LYRM4: variants seen among roughly 807,000 people sequenced by gnomAD.
LYRM4 encodes the protein LYR motif containing 4.
Under a neutral mutation model 11.7 loss-of-function variants are expected in LYRM4, and 9 were observed. The ratio of observed to expected loss-of-function variants is 0.77; its 90% CI spans 0.46 to 1.34. The LOEUF is 1.34. Ranked by LOEUF, LYRM4 falls within the 40% of genes most tolerant of loss-of-function variation. The pLI is 0.00. For missense variants in LYRM4, 133 were observed against 112.5 expected (o/e 1.18, Z -0.82); for synonymous variants, 42 against 40.4 (o/e 1.04, Z -0.15).
intron 2 of LYRM4, among the ~76,000 whole-genome samples, chr6:5,170,129 A>G (rs1437067355): frequency 6.6e-6 from 1 of 152,202 alleles, no homozygotes; most frequent in Non-Finnish European, 1.5e-5. Flanking sequence ...TGGGATTCCC[A>G]CCTGGCATCT....
intron 2 of LYRM4, among the ~76,000 whole-genome samples, chr6:5,127,760 G>A (rs1369157274): frequency 6.6e-6 from 1 of 152,088 alleles, no homozygotes; most frequent in East Asian, 1.9e-4. Flanking sequence ...TACACATATA[G>A]CTTGCATTTA....
the LYRM4 span, among the ~76,000 whole-genome samples, chr6:5,083,349 T>C: frequency 1.3e-5 from 2 of 152,220 alleles, no homozygotes; most frequent in Non-Finnish European, 2.9e-5. Flanking sequence ...AAATCAGAGT[T>C]GCTGCAGGAA....
intron 2 of LYRM4, among the ~76,000 whole-genome samples, chr6:5,146,664 T>C (rs1337017867): frequency 6.6e-6 from 1 of 152,212 alleles, no homozygotes; most frequent in Admixed American, 6.5e-5. Flanking sequence ...GGGGCCCAGC[T>C]ACCTGTCCAG....
chr6:5,098,920 C>G (rs1341778074), downstream of LYRM4, among the ~76,000 whole-genome samples: 1 of 152,172 alleles, frequency 6.6e-6, no homozygotes, highest in Non-Finnish European at 1.5e-5. Context: ...AACACCTATT[C>G]TTCACATCTG....
the LYRM4 span, among the ~76,000 whole-genome samples, chr6:5,042,005 T>C: frequency 6.6e-6 from 1 of 152,230 alleles, no homozygotes; most frequent in African/African-American, 2.4e-5. Flanking sequence ...AGTTGTATTA[T>C]ATTTCAAAAT....
the LYRM4 span, chr6:5,085,918 G>C: frequency 1.4e-5 from 21 of 1,530,360 alleles, no homozygotes; most frequent in Admixed American, 1.8e-4. Context: ...CCTGGCCAGC[G>C]TGAAGCACTT....
In LYRM4 at chr6:5,238,511, A is replaced by G. The variant is rs143850864; in HGVS notation, c.87-21773T>C. Among the ~76,000 whole-genome samples, 137 of 152,342 alleles carry G rather than the reference A, an allele frequency of 9.0e-4. 1 individual carries two copies. Among genetic ancestry groups the G allele is most frequent in the African/African-American group, 3.1e-3 (128 of 41,578 alleles). On this transcript the variant is annotated intron_variant, in intron 1 of 2. Transcript: ENST00000330636. ...ACTGGATATATTAAGTCAACTAACA[A>G]ATCATAAGCATTTAAATAGGAGTAA...
intron 2 of LYRM4, chr6:5,132,919 A>T (rs1213588211): frequency 1.3e-5 from 2 of 152,258 alleles, no homozygotes; most frequent in African/African-American, 4.8e-5. Flanking sequence ...GAGTCTTGCA[A>T]GGAAATGACA....
At chr6:5,191,419 C>T (rs1036022606) in intron 2 of LYRM4, among the ~76,000 whole-genome samples, 2 of 152,208 alleles carry the variant, frequency 1.3e-5, no homozygotes, top group South Asian at 2.1e-4. Flanking sequence ...ATAAGAGCTA[C>T]GCGCCATTCT....
chr6:5,215,803 T>TAA (rs1204749139), intron 2 of LYRM4, among the ~76,000 whole-genome samples: 5 of 152,164 alleles, frequency 3.3e-5, no homozygotes, highest in African/African-American at 1.2e-4. Flanking sequence ...CCACACTTTA[T>TAA]AAGCAAATTT....
Position 5,118,562 on chromosome 6 carries a change from G to A in LYRM4, c.208-9071C>T, listed in dbSNP as rs1310600779. Among the ~76,000 whole-genome samples the A allele has an allele frequency of 2.0e-5, 3 of 152,110 alleles. 1 individual carries two copies. The highest frequency in any genetic ancestry group is 2.0e-4 in the Admixed American group (3 of 15,266). On this transcript the variant is annotated intron_variant, in intron 2 of 2. Transcript: ENST00000330636. ...ATGACAAGGCTGGACATCCTTTCAC[G>A]CCGCCTGCAATTCATGCAGCAATTG...
At chr6:5,035,293 T>C in the LYRM4 span, among the ~76,000 whole-genome samples, 1 of 151,946 alleles carries the variant, frequency 6.6e-6, no homozygotes, top group Non-Finnish European at 1.5e-5. Context: ...CTGAAGATGC[T>C]TTTCCTGAGG....
chr6:5,199,572 C>T (rs1418171770), intron 2 of LYRM4, among the ~76,000 whole-genome samples: 1 of 152,182 alleles, frequency 6.6e-6, no homozygotes. Context: ...GAAATCTACA[C>T]AATATTGCAG....
At position 5,216,635 on chromosome 6, in the gene LYRM4, C is replaced by T; in HGVS notation, c.190G>A (p.Gly64Arg). The change falls in exon 2 of 3, where the codon GGA (glycine) becomes AGA (arginine). Residue 64 changes from glycine (G) to arginine (R), a missense_variant. Coordinates refer to ENST00000330636, the MANE Select transcript of LYRM4 (RefSeq NM_020408.6). The stretch of plus-strand genomic sequence containing the variant: ...CATCTTACCTGTCGACGAATTACTC[C>T]AAGGTCTCTCTTGGCTTTATTCACT... ...TLVNKAKRDL[G>R]VIRRQVHIGQ... 9 of 1,614,024 alleles carry T rather than the reference C, an allele frequency of 5.6e-6. No homozygotes were observed. The highest frequency in any genetic ancestry group is 7.6e-6 in the Non-Finnish European group (9 of 1,180,012).
intron 2 of LYRM4, among the ~76,000 whole-genome samples, chr6:5,149,750 A>G (rs1757984129): frequency 6.6e-6 from 1 of 152,202 alleles, no homozygotes. Flanking sequence ...TTATATATAC[A>G]TTATTTAGAT....
intron 2 of LYRM4, among the ~76,000 whole-genome samples, chr6:5,205,212 T>C (rs1761624736): frequency 6.7e-6 from 1 of 150,316 alleles, no homozygotes; most frequent in Non-Finnish European, 1.5e-5. Flanking sequence ...AACAATGAGA[T>C]TGCAGCAGGA....
chr6:5,223,012 C>A (rs930643125), intron 1 of LYRM4, among the ~76,000 whole-genome samples: 3 of 152,044 alleles, frequency 2.0e-5, no homozygotes, highest in Admixed American at 6.5e-5. Flanking sequence ...AAGGAAATGT[C>A]CCAGAAGTGA....
chr6:5,121,155 A>G (rs1426741641), intron 2 of LYRM4, among the ~76,000 whole-genome samples: 2 of 152,178 alleles, frequency 1.3e-5, no homozygotes, highest in African/African-American at 4.8e-5. Flanking sequence ...AAAACAAGCA[A>G]AAAACCAGAG....
the LYRM4 span, among the ~76,000 whole-genome samples, chr6:5,054,835 A>G: frequency 6.6e-6 from 1 of 152,226 alleles, no homozygotes; most frequent in Non-Finnish European, 1.5e-5. Flanking sequence ...GTATGGAATC[A>G]CATGACGGAT....
Sources: gnomAD v4.1 joint callset for allele counts (sites outside exome capture counted in the v4.1 genomes callset) on GRCh38, gnomAD v4.1.1 for gene constraint, MANE v1.5 for transcripts, NCBI Gene and HGNC (gene_info 2026-07-23, HGNC 2026-07-21) for gene names.